The following FRMD8 variants were observed in gnomAD, a reference collection of about 807,000 sequenced individuals.
The protein encoded by FRMD8 is FERM domain-containing protein 8.
Under a neutral mutation model 54.2 loss-of-function variants are expected in FRMD8, and 37 were observed. The observed-to-expected ratio is 0.68, with a 90% CI of 0.53 to 0.90. The LOEUF (loss-of-function observed/expected upper bound fraction) is 0.90. FRMD8 is among the 40% of genes least tolerant of loss of function. FRMD8 has a pLI of 0.00. For synonymous variants in FRMD8, 246 were observed against 286.9 expected (o/e 0.86, Z 1.44); for missense variants, 585 against 653.7 (o/e 0.89, Z 1.15).
Position 65,400,623 on chromosome 11 carries a change from T to G in FRMD8, c.928-101T>G, listed in dbSNP as rs1293718513. The G allele has an allele frequency of 2.5e-6, 3 of 1,216,172 alleles. No individual in the cohort carries two copies. The highest frequency in any genetic ancestry group is 3.3e-6 in the Non-Finnish European group (3 of 895,536). 75.3% of individuals were successfully genotyped at this position (1,216,172 alleles called of 1,614,324 possible). ...CACATGAACAAATGTAGACTCAGCC[T>G]TGGAGAGGCACACACCCTGGCCAGG... On this transcript the variant is annotated intron_variant, in intron 8 of 10. Coordinates refer to ENST00000317568, the MANE Select transcript of FRMD8 (RefSeq NM_031904.5). The surrounding 1 kb of genome is among the most constrained non-coding windows in gnomAD (Gnocchi z 4.3).
intron 10 of FRMD8, 55 bp downstream of exon 10, chr11:65,405,123 C>A (rs1228972978): frequency 6.5e-7 from 1 of 1,540,670 alleles, no homozygotes; most frequent in Non-Finnish European, 9.0e-7. Context: ...CGTGCACACA[C>A]CGGGGGGAGT....
At chr11:65,376,536 C>T in the FRMD8 span, 1 of 1,614,212 alleles carries the variant, frequency 6.2e-7, no homozygotes, top group Admixed American at 1.7e-5. Flanking sequence ...TGCTGCTCAC[C>T]ATGCAGTCCA....
intron 9 of FRMD8, among the ~76,000 whole-genome samples, chr11:65,403,651 A>C (rs2137921985): frequency 6.6e-6 from 1 of 152,310 alleles, no homozygotes; most frequent in East Asian, 1.9e-4. Flanking sequence ...GGCCTGAGAG[A>C]GAACATTGTC....
intron 6 of FRMD8, among the ~76,000 whole-genome samples, chr11:65,396,490 G>GT (rs1279403044): frequency 6.6e-6 from 1 of 152,042 alleles, no homozygotes; most frequent in Non-Finnish European, 1.5e-5. Flanking sequence ...CCTGGGACAG[G>GT]TGGGGGTGTC....
At chr11:65,390,748 A>C (rs561564705) in intron 3 of FRMD8, among the ~76,000 whole-genome samples, 1 of 152,124 alleles carries the variant, frequency 6.6e-6, no homozygotes, top group Non-Finnish European at 1.5e-5. Context: ...ACAGTTCTGC[A>C]TGGGTTGGCC....
upstream of FRMD8, among the ~76,000 whole-genome samples, chr11:65,384,251 C>T (rs1396924235): frequency 6.6e-6 from 1 of 152,098 alleles, no homozygotes; most frequent in African/African-American, 2.4e-5. Flanking sequence ...TCCTGGGGTT[C>T]AAGGCCTCCC....
chr11:65,394,233 G>A, intron 5 of FRMD8, 26 bp from the exon 6 acceptor site: 1 of 1,593,824 alleles, frequency 6.3e-7, no homozygotes, highest in Non-Finnish European at 8.5e-7. Context: ...CAGCTGAGCG[G>A]CTGTCCCTGC....
At chr11:65,372,567 G>C in the FRMD8 span, among the ~76,000 whole-genome samples, 1 of 152,090 alleles carries the variant, frequency 6.6e-6, no homozygotes, top group East Asian at 1.9e-4. Context: ...TTTAACTAAA[G>C]CCAAAAAAAA....
chr11:65,409,275 C>G (rs1349768441), intron 10 of FRMD8, among the ~76,000 whole-genome samples: 1 of 152,066 alleles, frequency 6.6e-6, no homozygotes, highest in African/African-American at 2.4e-5. Context: ...TTAGTAGAGA[C>G]AGGGTTTCGC....
In FRMD8 at chr11:65,387,066, G is replaced by T; in HGVS notation, c.30G>T (p.Gln10His). The change falls in exon 2 of 11, where the codon CAG (glutamine) becomes CAT (histidine). Residue 10 changes from glutamine (Q) to histidine (H), a missense_variant. Transcript: ENST00000317568. MDGTEGSAGQPGPAERSHRS... is the reference protein window; with the variant it reads MDGTEGSAGHPGPAERSHRS... ...ACGGGACAGAAGGCAGTGCCGGGCA[G>T]CCCGGCCCCGCTGAGCGATCCCACC... The T allele has an allele frequency of 6.2e-7, 1 of 1,609,156 alleles. No individual in the cohort carries two copies. The highest frequency in any genetic ancestry group is 8.5e-7 in the Non-Finnish European group (1 of 1,180,004).
At position 65,386,983 on chromosome 11, in the gene FRMD8, T is replaced by C. The variant is rs773893329; in HGVS notation, c.1-54T>C. 3.0e-4 allele frequency: 453 copies of C among 1,509,802 alleles called. 1 individual carries two copies. Among genetic ancestry groups the C allele is most frequent in the Non-Finnish European group, 6.3e-5 (70 of 1,102,892 alleles). 93.5% of individuals were successfully genotyped at this position (1,509,802 alleles called of 1,614,324 possible). ...TACTCACCGAGAGCTTGAGGAGACC[T>C]CCAGCCCCCCATCCCTGGCTCCCGG... On this transcript the variant is annotated intron_variant, in intron 1 of 10. Transcript: ENST00000317568.
rs567204054 is a variant in FRMD8 at position 65,393,660 on chromosome 11, A to T, written c.341A>T (p.Asp114Val). 50 of 1,605,502 alleles carry T rather than the reference A, an allele frequency of 3.1e-5. 1 individual carries two copies. In the South Asian group the frequency reaches 5.2e-4, roughly 17 times the overall value. ...CTGCGCTTCACCAGTGCCCCAGACG[A>T]TGACGTGGCCATGGGTCAGTGCTGC... is the stretch of plus-strand genomic sequence containing the variant. Reference protein sequence around the residue: ...LLLRFTSAPDDDVAMDEPFLQ... With the variant: ...LLLRFTSAPDVDVAMDEPFLQ... The change falls in exon 4 of 11, where the codon GAT (aspartate) becomes GTT (valine). Residue 114 changes from aspartate to valine, a missense_variant. Coordinates refer to ENST00000317568, the MANE Select transcript of FRMD8 (RefSeq NM_031904.5).
At chr11:65,394,689 G>A (rs1855912752) in intron 6 of FRMD8, among the ~76,000 whole-genome samples, 1 of 152,218 alleles carries the variant, frequency 6.6e-6, no homozygotes, top group Non-Finnish European at 1.5e-5. Flanking sequence ...CAGGGTCAGA[G>A]GAGCTGGGCT....
intron 7 of FRMD8, 79 bp from the exon 8 acceptor site, chr11:65,399,657 G>A: frequency 6.4e-7 from 1 of 1,550,762 alleles, no homozygotes; most frequent in Non-Finnish European, 8.7e-7. Context: ...AAGTTCCTCA[G>A]AGCCCAGGTT....
At chr11:65,379,120 G>A in the FRMD8 span, 1 of 496,352 alleles carries the variant, frequency 2.0e-6, no homozygotes, top group Non-Finnish European at 3.6e-6. Flanking sequence ...CCCGTCAGCT[G>A]GAGCGAGTGG....
intron 10 of FRMD8, among the ~76,000 whole-genome samples, chr11:65,405,888 CCTT>C (rs1258228261): frequency 2.0e-5 from 3 of 151,928 alleles, no homozygotes; most frequent in African/African-American, 7.3e-5. Context: ...TGTAGTCTCA[CCTT>C]CTTGGGAGGC....
Position 65,404,723 on chromosome 11 carries a change from C to T in FRMD8, c.1072-141C>T. ...CAGTCACCCAAGTGGGACACCTCCC[C>T]TGCCTCCCTGCTCCCTCCCTCCTGA... On this transcript the variant is annotated intron_variant, in intron 9 of 10. Coordinates refer to ENST00000317568, the MANE Select transcript of FRMD8 (RefSeq NM_031904.5). The surrounding 1 kb of genome is among the most constrained non-coding windows in gnomAD (Gnocchi z 4.7). 2.9e-6 allele frequency: 2 copies of T among 681,218 alleles called. No individual in the cohort carries two copies. The highest frequency in any genetic ancestry group is 5.4e-5 in the East Asian group (2 of 36,786). The allele number at this position is 681,218 out of a possible 1,614,324, so 42.2% of individuals were successfully genotyped here.
At chr11:65,371,190 C>T in the FRMD8 span, among the ~76,000 whole-genome samples, 1 of 152,118 alleles carries the variant, frequency 6.6e-6, no homozygotes, top group Non-Finnish European at 1.5e-5. Context: ...TGAGTCTGGT[C>T]AAAGTTATTT....
At chr11:65,371,353 A>G in the FRMD8 span, among the ~76,000 whole-genome samples, 4 of 152,274 alleles carry the variant, frequency 2.6e-5, no homozygotes, top group South Asian at 2.1e-4. Flanking sequence ...CATTGCTAAA[A>G]AAAGAAGTAT....
Sources: gnomAD v4.1 joint callset for allele counts (sites outside exome capture counted in the v4.1 genomes callset) on GRCh38, gnomAD v4.1.1 for gene constraint, Gnocchi (gnomAD v3.1) non-coding constraint, MANE v1.5 for transcripts, NCBI Gene and HGNC (gene_info 2026-07-23, HGNC 2026-07-21) for gene names.